Variants in GTF2IRD2B observed in about 807,000 individuals in gnomAD.
GTF2IRD2B encodes GTF2I repeat domain containing 2B, also known as general transcription factor II-I repeat domain-containing protein 2B.
In GTF2IRD2B, 10 loss-of-function variants were observed where a neutral mutation model predicts 55.6. The observed-to-expected ratio is 0.18, with a 90% CI of 0.11 to 0.31. The LOEUF is 0.31. Ranked by LOEUF, GTF2IRD2B falls within the 10% of genes least tolerant of loss-of-function variation. The pLI is 1.00. For missense variants in GTF2IRD2B, 206 were observed against 802.7 expected (o/e 0.26, Z 8.98); for synonymous variants, 107 against 320.5 (o/e 0.33, Z 7.12).
At position 75,149,370 on chromosome 7, in the gene GTF2IRD2B, T is replaced by G; in HGVS notation, c.*73T>G. ...CTTCTAGTCCCAAGGGATTGGGAGA[T>G]GACAAAATGAATTTTTTTTTTCTTT... On this transcript the variant is annotated 3_prime_UTR_variant, in exon 16 of 16. Coordinates refer to ENST00000472837, the MANE Select transcript of GTF2IRD2B (RefSeq NM_001003795.3). 2.6e-6 allele frequency: 2 copies of G among 774,518 alleles called. No individual in the cohort carries two copies. The highest frequency in any genetic ancestry group is 2.4e-5 in the East Asian group (1 of 41,234). 48.0% of individuals were successfully genotyped at this position (774,518 alleles called of 1,614,324 possible).
intron 1 of GTF2IRD2B, among the ~76,000 whole-genome samples, chr7:75,102,305 C>T (rs1807599822): frequency 1.3e-5 from 2 of 151,566 alleles, no homozygotes; most frequent in African/African-American, 4.8e-5. Flanking sequence ...CCGGCCATCA[C>T]AGTCAATTTT....
At chr7:75,101,293 T>C (rs1401547311) in intron 1 of GTF2IRD2B, among the ~76,000 whole-genome samples, 7 of 150,724 alleles carry the variant, frequency 4.6e-5, no homozygotes, top group Non-Finnish European at 1.0e-4. Flanking sequence ...GTTCAGGCTG[T>C]ACACGGAGGC....
intron 1 of GTF2IRD2B, among the ~76,000 whole-genome samples, chr7:75,106,230 C>T (rs1473696225): frequency 6.6e-6 from 1 of 152,310 alleles, no homozygotes; most frequent in African/African-American, 2.4e-5. Context: ...TGATGAAACC[C>T]CTTCTCTACT....
At chr7:75,133,561 G>A (rs1243810340) in intron 9 of GTF2IRD2B, among the ~76,000 whole-genome samples, 1 of 133,880 alleles carries the variant, frequency 7.5e-6, no homozygotes, top group African/African-American at 2.9e-5. Context: ...TTTTTTTTTT[G>A]AGACAGAATC....
intron 6 of GTF2IRD2B, chr7:75,123,976 A>G (rs1411937539): frequency 8.6e-6 from 2 of 232,296 alleles, no homozygotes; most frequent in African/African-American, 4.5e-5. Context: ...TGCCTAGGAA[A>G]CAAACCTGCA....
intron 1 of GTF2IRD2B, among the ~76,000 whole-genome samples, chr7:75,092,967 T>TGGGGGC (rs1807302351): frequency 6.6e-6 from 1 of 152,080 alleles, no homozygotes; most frequent in Admixed American, 6.5e-5. Context: ...GGTGTGAGGG[T>TGGGGGC]GGGGGCGGGG....
intron 1 of GTF2IRD2B, among the ~76,000 whole-genome samples, chr7:75,101,271 T>C (rs1347160886): frequency 8.7e-5 from 13 of 149,940 alleles, no homozygotes; most frequent in Non-Finnish European, 1.6e-4. Context: ...GTTCACCCAT[T>C]TGAAGTGTAC....
At chr7:75,139,905 A>G (rs1417381499) in intron 12 of GTF2IRD2B, among the ~76,000 whole-genome samples, 2 of 113,390 alleles carry the variant, frequency 1.8e-5, no homozygotes, top group African/African-American at 8.8e-5. Context: ...AAAAAAAAGG[A>G]CCAGGCATGG....
intron 1 of GTF2IRD2B, among the ~76,000 whole-genome samples, chr7:75,105,874 T>C (rs1807783467): frequency 6.6e-6 from 1 of 152,308 alleles, no homozygotes; most frequent in Non-Finnish European, 1.5e-5. Context: ...TTTCACGTTG[T>C]CTGCGATCTG....
chr7:75,134,606 C>T (rs1808775310), intron 9 of GTF2IRD2B, among the ~76,000 whole-genome samples: 1 of 128,236 alleles, frequency 7.8e-6, no homozygotes, highest in Admixed American at 7.3e-5. Flanking sequence ...CGCTCTGTCG[C>T]CCAGGCTGGA....
intron 1 of GTF2IRD2B, among the ~76,000 whole-genome samples, chr7:75,104,310 G>A (rs111428748): frequency 5.3e-5 from 8 of 150,920 alleles, no homozygotes; most frequent in African/African-American, 1.9e-4. Context: ...AGAAGGGGGG[G>A]GTCTCACCAT....
At chr7:75,102,339 C>G (rs1807601179) in intron 1 of GTF2IRD2B, among the ~76,000 whole-genome samples, 2 of 150,678 alleles carry the variant, frequency 1.3e-5, no homozygotes, top group Admixed American at 6.7e-5. Flanking sequence ...CACTCTGAAA[C>G]CTTTTACCCT....
intron 1 of GTF2IRD2B, among the ~76,000 whole-genome samples, chr7:75,104,956 G>A (rs76558892): frequency 0.13 from 18,627 of 147,834 alleles, 125 homozygotes; most frequent in African/African-American, 0.31. Context: ...GCACTGGTGT[G>A]GGAGGCAGAA....
chr7:75,123,080 A>G, intron 4 of GTF2IRD2B, 56 bp from the exon 5 acceptor site: 1 of 1,567,056 alleles, frequency 6.4e-7, no homozygotes, highest in Non-Finnish European at 8.6e-7. Flanking sequence ...ACAAAAAAAA[A>G]AAACTGGTAG....
At chr7:75,123,810 G>A (rs1554452244) in intron 6 of GTF2IRD2B, 1 of 411,912 alleles carries the variant, frequency 2.4e-6, no homozygotes, top group African/African-American at 2.0e-5. Flanking sequence ...CCCGGGAGGT[G>A]GAGCTTGCAG....
intron 3 of GTF2IRD2B, among the ~76,000 whole-genome samples, chr7:75,113,766 G>A (rs1451497023): frequency 9.8e-5 from 13 of 133,322 alleles, no homozygotes; most frequent in African/African-American, 3.2e-4. Flanking sequence ...AGAAAGGTTC[G>A]TCAGAGGGTA....
chr7:75,103,121 A>G (rs1807634954), intron 1 of GTF2IRD2B, among the ~76,000 whole-genome samples: 1 of 151,764 alleles, frequency 6.6e-6, no homozygotes, highest in African/African-American at 2.4e-5. Context: ...CTACTAAAAA[A>G]GAGAAAACTT....
intron 11 of GTF2IRD2B, among the ~76,000 whole-genome samples, chr7:75,138,646 G>C (rs1808924418): frequency 8.4e-6 from 1 of 119,000 alleles, no homozygotes; most frequent in South Asian, 2.5e-4. Context: ...CAGCCTGGGT[G>C]ATAGACTCAG....
At chr7:75,099,824 AATT>A (rs1425711500) in intron 1 of GTF2IRD2B, among the ~76,000 whole-genome samples, 1 of 137,512 alleles carries the variant, frequency 7.3e-6, no homozygotes, top group East Asian at 2.0e-4. Flanking sequence ...CAGGTAAAAG[AATT>A]TTCGGCCAGG....
Sources: allele counts gnomAD v4.1 joint callset (sites outside exome capture counted in the v4.1 genomes callset), GRCh38; gene constraint gnomAD v4.1.1; transcripts MANE v1.5; gene names NCBI Gene and HGNC (gene_info 2026-07-23, HGNC 2026-07-21).